The following KIRREL1 variants were observed in gnomAD, a reference collection of about 807,000 sequenced individuals.
KIRREL1 encodes the protein kin of IRRE-like protein 1.
A neutral mutation model predicts 83.3 loss-of-function variants in KIRREL1; 25 were observed. The ratio of observed to expected loss-of-function variants is 0.30; its 90% confidence interval spans 0.22 to 0.42. The LOEUF (loss-of-function observed/expected upper bound fraction) is 0.42, where lower values mean the gene tolerates loss of function less well. Ranked by LOEUF, KIRREL1 falls within the 10% of genes least tolerant of loss-of-function variation. The pLI is 1.00. For missense variants in KIRREL1, 812 were observed against 1,032.3 expected (o/e 0.79, Z 2.92); for synonymous variants, 388 against 410.4 (o/e 0.95, Z 0.66).
At chr1:158,030,936 T>G (rs1660303486) in intron 1 of KIRREL1, 1 of 152,112 alleles carries the variant, frequency 6.6e-6, no homozygotes, top group African/African-American at 2.4e-5. Flanking sequence ...CTCATCCTGG[T>G]CCAAAGTGGA....
chr1:158,003,532 A>G (rs1464093602), intron 1 of KIRREL1, among the ~76,000 whole-genome samples: 2 of 151,684 alleles, frequency 1.3e-5, no homozygotes, highest in Admixed American at 1.3e-4. Context: ...GGGATGGGGG[A>G]CTCCCAGAGG....
At chr1:158,011,008 G>A (rs1659672095) in intron 1 of KIRREL1, among the ~76,000 whole-genome samples, 2 of 152,120 alleles carry the variant, frequency 1.3e-5, no homozygotes, top group African/African-American at 4.8e-5. Flanking sequence ...GAGCTGTGGG[G>A]GCAGGGAAAA....
intron 1 of KIRREL1, among the ~76,000 whole-genome samples, chr1:157,995,939 A>T (rs1269597673): frequency 1.3e-5 from 2 of 151,774 alleles, no homozygotes; most frequent in Admixed American, 1.3e-4. Flanking sequence ...GGAGACTGGG[A>T]CACACATGGG....
At chr1:158,014,683 G>C (rs1276454968) in intron 1 of KIRREL1, among the ~76,000 whole-genome samples, 4 of 123,528 alleles carry the variant, frequency 3.2e-5, no homozygotes, top group East Asian at 2.1e-4. Context: ...GTCTTTATGG[G>C]GGGGGGGGGG....
At position 158,098,356 on chromosome 1, in the gene KIRREL1, G is replaced by T. The variant is rs1367198781; in HGVS notation, c.*3236G>T. ...GGCACTCCTTCTGTAGGGGAAAATG[G>T]GAGGAGCCTTCCTCCACCCTGATCC... On this transcript the variant is annotated 3_prime_UTR_variant, in exon 15 of 15. Transcript: ENST00000359209. 6.6e-6 allele frequency: 1 copy of T among 152,224 alleles called. No homozygotes were observed. Among genetic ancestry groups the T allele is most frequent in the Non-Finnish European group, 1.5e-5 (1 of 68,064 alleles). 9.4% of individuals were successfully genotyped at this position (152,224 alleles called of 1,614,324 possible). A position where few individuals can be genotyped will look rare whatever the true frequency, so the allele number is the denominator to read the frequency against.
At chr1:158,061,046 C>T (rs149581456) in intron 1 of KIRREL1, among the ~76,000 whole-genome samples, 66 of 152,264 alleles carry the variant, frequency 4.3e-4, no homozygotes, top group Admixed American at 1.2e-3. Flanking sequence ...CTGTGCCCTG[C>T]TCTGTCCTCT....
intron 1 of KIRREL1, among the ~76,000 whole-genome samples, chr1:158,060,221 T>G (rs1014314937): frequency 6.6e-6 from 1 of 152,210 alleles, no homozygotes; most frequent in Non-Finnish European, 1.5e-5. Flanking sequence ...CATCCTGCAT[T>G]CCTGGGCAGG....
chr1:158,026,636 T>C (rs190059112), intron 1 of KIRREL1, among the ~76,000 whole-genome samples: 61 of 152,330 alleles, frequency 4.0e-4, no homozygotes, highest in South Asian at 3.9e-3. Context: ...AAAAGTGATA[T>C]ATTACTTTAT....
intron 1 of KIRREL1, among the ~76,000 whole-genome samples, chr1:157,997,779 C>A (rs1035858460): frequency 6.6e-6 from 1 of 152,172 alleles, no homozygotes; most frequent in African/African-American, 2.4e-5. Flanking sequence ...ATTTATTGAG[C>A]CCTGTGTAAC....
intron 1 of KIRREL1, among the ~76,000 whole-genome samples, chr1:158,027,820 T>C (rs1487130679): frequency 3.3e-5 from 5 of 152,286 alleles, no homozygotes; most frequent in Admixed American, 2.0e-4. Flanking sequence ...TAAATTGCCT[T>C]GTGAGTAGCA....
chr1:158,077,794 C>T (rs1177460394), intron 2 of KIRREL1, among the ~76,000 whole-genome samples, 197 bp from the exon 3 acceptor site: 1 of 152,226 alleles, frequency 6.6e-6, no homozygotes, highest in Non-Finnish European at 1.5e-5. Context: ...TTCAGCTGCC[C>T]TCCTGTCTGC....
intron 1 of KIRREL1, among the ~76,000 whole-genome samples, chr1:158,004,799 C>T (rs1278168395): frequency 6.6e-6 from 1 of 152,012 alleles, no homozygotes; most frequent in Admixed American, 6.6e-5. Flanking sequence ...CAAAAATTAG[C>T]CAGGCTTGGT....
intron 1 of KIRREL1, among the ~76,000 whole-genome samples, chr1:158,010,932 T>C (rs558265616): frequency 3.9e-5 from 6 of 152,216 alleles, no homozygotes; most frequent in Admixed American, 1.3e-4. Flanking sequence ...GCATCAGTGG[T>C]GAAAAGTGAA....
intron 1 of KIRREL1, among the ~76,000 whole-genome samples, chr1:157,996,960 G>T (rs1042923874): frequency 1.2e-4 from 19 of 152,228 alleles, no homozygotes; most frequent in African/African-American, 4.6e-4. Context: ...GTGGTTGGTT[G>T]TTCTGGCTCT....
intron 3 of KIRREL1, 121 bp downstream of exon 3, chr1:158,078,261 T>C: frequency 9.0e-7 from 1 of 1,112,066 alleles, no homozygotes; most frequent in African/African-American, 1.5e-5. Flanking sequence ...ACTGGCCTTA[T>C]CCCTGCCCTA....
intron 1 of KIRREL1, among the ~76,000 whole-genome samples, chr1:158,065,925 T>C (rs1661346510): frequency 6.6e-6 from 1 of 152,206 alleles, no homozygotes; most frequent in South Asian, 2.1e-4. Flanking sequence ...CTCTCCCAGA[T>C]GGTCTCCTTA....
intron 1 of KIRREL1, among the ~76,000 whole-genome samples, chr1:158,029,366 T>TGC (rs1397956076): frequency 1.5e-4 from 22 of 149,028 alleles, no homozygotes; most frequent in Admixed American, 4.6e-4. Context: ...TGTGTGTGTG[T>TGC]GCACGTGCGC....
chr1:158,027,419 TA>T (rs1490432450), intron 1 of KIRREL1, among the ~76,000 whole-genome samples: 1 of 152,200 alleles, frequency 6.6e-6, no homozygotes, highest in African/African-American at 2.4e-5. Flanking sequence ...TAGGCATGAT[TA>T]ATGAAACCAT....
intron 1 of KIRREL1, among the ~76,000 whole-genome samples, chr1:158,030,435 T>C (rs181779323): frequency 6.6e-6 from 1 of 152,348 alleles, no homozygotes; most frequent in African/African-American, 2.4e-5. Flanking sequence ...ATAGGACTTC[T>C]CTGGAGAGCA....
Sources: gnomAD v4.1 joint callset for allele counts (sites outside exome capture counted in the v4.1 genomes callset) on GRCh38, gnomAD v4.1.1 for gene constraint, MANE v1.5 for transcripts, NCBI Gene and HGNC (gene_info 2026-07-23, HGNC 2026-07-21) for gene names.